The following DYNC2H1 variants were observed in gnomAD, a reference collection of about 807,000 sequenced individuals.
DYNC2H1 encodes the protein cytoplasmic dynein 2 heavy chain 1.
A neutral mutation model predicts 570.0 loss-of-function variants in DYNC2H1; 410 were observed. The observed-to-expected ratio is 0.72, with a 90% CI of 0.66 to 0.78. The LOEUF (loss-of-function observed/expected upper bound fraction) is 0.78. DYNC2H1 is among the 30% of genes least tolerant of loss of function. The probability of loss-of-function intolerance (pLI) is 0.00; values close to 1 mark genes in which losing one functional copy is unlikely to be tolerated. For missense variants in DYNC2H1, 4,865 were observed against 5,046.4 expected (o/e 0.96, Z 1.09); for synonymous variants, 1,688 against 1,677.6 (o/e 1.01, Z -0.15).
Position 103,236,280 on chromosome 11 carries a change from TC to T in DYNC2H1, c.9710-149del. On this transcript the variant is annotated intron_variant, in intron 62 of 88. Transcript: ENST00000375735. ...TTTTTGTTTTTGTTTTAGACTTTTT[TC>T]TCCGTGGGTTTGGGTGTTAAATGTG... 4 of 558,140 alleles carry T rather than the reference TC, an allele frequency of 7.2e-6. No homozygotes were observed. The South Asian group carries it at 9.4e-5, about 13-fold the overall frequency. 34.6% of individuals were successfully genotyped at this position (558,140 alleles called of 1,614,324 possible).
intron 17 of DYNC2H1, among the ~76,000 whole-genome samples, chr11:103,139,205 C>G (rs1245600106): frequency 1.3e-5 from 2 of 152,022 alleles, no homozygotes; most frequent in Non-Finnish European, 2.9e-5. Flanking sequence ...TTTTGTGTCT[C>G]TATTTCCTTC....
At chr11:103,464,677 T>C (rs1945135977) in intron 87 of DYNC2H1, among the ~76,000 whole-genome samples, 2 of 152,104 alleles carry the variant, frequency 1.3e-5, no homozygotes, top group African/African-American at 4.8e-5. Context: ...TTCAAATTGA[T>C]GAAGAAAAAT....
chr11:103,236,688 C>T lies in DYNC2H1; in HGVS notation c.9819+149C>T. Reference sequence around the variant, plus strand: ...TGCTAATGAAAACCCATCAATGATTCAGTTAGTGAGTGTAAGACTTTCTGT... The same window carrying T: ...TGCTAATGAAAACCCATCAATGATTTAGTTAGTGAGTGTAAGACTTTCTGT... On this transcript the variant is annotated intron_variant, in intron 63 of 88. Coordinates refer to ENST00000375735, the MANE Select transcript of DYNC2H1 (RefSeq NM_001377.3). The T allele has an allele frequency of 1.5e-5, 7 of 470,412 alleles. No individual in the cohort carries two copies. In the South Asian group the frequency reaches 2.1e-4, roughly 14 times the overall value. The allele number at this position is 470,412 out of a possible 1,614,324, so 29.1% of individuals were successfully genotyped here. A position where few individuals can be genotyped will look rare whatever the true frequency, so the allele number is the denominator to read the frequency against.
intron 70 of DYNC2H1, among the ~76,000 whole-genome samples, chr11:103,263,998 T>A (rs573560531): frequency 6.6e-6 from 1 of 151,386 alleles, no homozygotes; most frequent in African/African-American, 2.4e-5. Context: ...ATCAAATAGA[T>A]GCAATAAAAA....
chr11:103,331,296 T>G (rs2135461019), intron 82 of DYNC2H1, among the ~76,000 whole-genome samples: 1 of 152,328 alleles, frequency 6.6e-6, no homozygotes, highest in African/African-American at 2.4e-5. Context: ...CCTTACAGGC[T>G]TTTTCTCCAT....
intron 88 of DYNC2H1, among the ~76,000 whole-genome samples, chr11:103,474,882 TTTGCCTTTGAAAA>T (rs1463958402): frequency 6.6e-6 from 1 of 152,154 alleles, no homozygotes; most frequent in Non-Finnish European, 1.5e-5. Context: ...GAGTCACCAT[TTTGCCTTTGAAAA>T]TTGCATTGTC....
chr11:103,293,234 A>G (rs1274353222), intron 75 of DYNC2H1, among the ~76,000 whole-genome samples: 2 of 152,078 alleles, frequency 1.3e-5, no homozygotes, highest in African/African-American at 4.8e-5. Flanking sequence ...CACTCTGGAT[A>G]TGTCATCCCC....
At chr11:103,234,218 T>C (rs1864134499) in intron 61 of DYNC2H1, 58 bp downstream of exon 61, 15 of 1,497,316 alleles carry the variant, frequency 1.0e-5, no homozygotes, top group South Asian at 1.3e-5. Context: ...AAATCTATAA[T>C]GTAATGTATG....
At chr11:103,397,678 T>G (rs186888847) in intron 83 of DYNC2H1, among the ~76,000 whole-genome samples, 1 of 152,250 alleles carries the variant, frequency 6.6e-6, no homozygotes, top group East Asian at 1.9e-4. Context: ...GTTGATCACT[T>G]GAGTCCTGGA....
chr11:103,264,748 T>C lies in DYNC2H1; in HGVS notation c.10695+4771T>C, dbSNP rs920163253. On this transcript the variant is annotated intron_variant, in intron 70 of 88. Transcript: ENST00000375735. The surrounding 1 kb of genome is among the most constrained non-coding windows in gnomAD (Gnocchi z 4.8). ...CAGCCAATGTCATACCGAATGTGAATCAATATCAGTATCATACTGAATGGG... is the reference window on the plus strand; with the variant it reads ...CAGCCAATGTCATACCGAATGTGAACCAATATCAGTATCATACTGAATGGG... 1.3e-5 allele frequency among the ~76,000 whole-genome samples: 2 copies of C among 152,140 alleles called. No homozygotes were observed. The highest frequency in any genetic ancestry group is 4.8e-5 in the African/African-American group (2 of 41,424).
chr11:103,421,806 C>T (rs1253759308), intron 84 of DYNC2H1, among the ~76,000 whole-genome samples: 1 of 151,702 alleles, frequency 6.6e-6, no homozygotes, highest in Non-Finnish European at 1.5e-5. Context: ...AATTAGAGAA[C>T]CAAGAGCAAA....
In DYNC2H1 at chr11:103,328,950, G is replaced by T. The variant is rs368294744; in HGVS notation, c.12039+4960G>T. ...AGAGATAAATTTGATATGTTAGTTC[G>T]AATTGCCCATGCAATAATGTTTATT... is the stretch of plus-strand genomic sequence containing the variant. On this transcript the variant is annotated intron_variant, in intron 82 of 88. Coordinates refer to ENST00000375735, the MANE Select transcript of DYNC2H1 (RefSeq NM_001377.3). Among the ~76,000 whole-genome samples, 3 of 152,102 alleles carry T rather than the reference G, an allele frequency of 2.0e-5. No individual in the cohort carries two copies. The East Asian group carries it at 5.8e-4, about 29-fold the overall frequency.
In DYNC2H1 at chr11:103,244,015, A is replaced by T. The variant is rs1864517897; in HGVS notation, c.9918+224A>T. 6.6e-6 allele frequency among the ~76,000 whole-genome samples: 1 copy of T among 152,110 alleles called. No homozygotes were observed. The highest frequency in any genetic ancestry group is 2.4e-5 in the African/African-American group (1 of 41,446). ...TCTAAGCCCTGGGAATTTAATAGTG[A>T]GTTCCTTCCCTTATAAAGATGACAG... On this transcript the variant is annotated intron_variant, in intron 64 of 88. Transcript: ENST00000375735. The surrounding 1 kb of genome is among the most constrained non-coding windows in gnomAD (Gnocchi z 4.3).
intron 18 of DYNC2H1, 114 bp from the exon 19 acceptor site, chr11:103,147,658 A>G: frequency 1.5e-6 from 1 of 646,202 alleles, no homozygotes. Flanking sequence ...TCACCATATT[A>G]CTGCTGACAT....
In DYNC2H1 at chr11:103,152,117, T is replaced by TTC; in HGVS notation, c.2947-18_2947-17insCT. ...AAATAGGTTGTTATTCAATTTGTTT[T>TTC]TTTTTTTTTAACCTTTAGATTTTGC... On this transcript the variant is annotated intron_variant, in intron 20 of 88. Transcript: ENST00000375735. The TTC allele has an allele frequency of 1.3e-6, 2 of 1,572,046 alleles. No individual in the cohort carries two copies. The highest frequency in any genetic ancestry group is 1.7e-6 in the Non-Finnish European group (2 of 1,160,186).
intron 38 of DYNC2H1, among the ~76,000 whole-genome samples, chr11:103,178,524 C>T (rs1399957445): frequency 6.6e-6 from 1 of 151,956 alleles, no homozygotes; most frequent in Non-Finnish European, 1.5e-5. Flanking sequence ...CAGTATTAAC[C>T]ACTCCCATTT....
chr11:103,307,910 C>A, intron 78 of DYNC2H1, 79 bp downstream of exon 78: 1 of 706,254 alleles, frequency 1.4e-6, no homozygotes, highest in Non-Finnish European at 2.3e-6. Flanking sequence ...TTGTAAACAA[C>A]TATTATACAG....
rs578105376 is a variant in DYNC2H1, at chr11:103,201,492, A to AAACAAC, written c.8197+1354_8197+1359dup. Among the ~76,000 whole-genome samples, 116 of 152,098 alleles carry AAACAAC rather than the reference A, an allele frequency of 7.6e-4. No homozygotes were observed. The highest frequency in any genetic ancestry group is 9.7e-4 in the Non-Finnish European group (66 of 68,010). ...ACGTTAGAATCACTAGGATAATTAA[A>AAACAAC]AACAACAACAACAACAACAACTAAA... On this transcript the variant is annotated intron_variant, in intron 50 of 88. Coordinates refer to ENST00000375735, the MANE Select transcript of DYNC2H1 (RefSeq NM_001377.3). This position sits in a 1 kb window ranked among gnomAD's most constrained non-coding sequence, Gnocchi z 4.8.
At chr11:103,391,004 T>A (rs1364427191) in intron 83 of DYNC2H1, among the ~76,000 whole-genome samples, 1 of 152,142 alleles carries the variant, frequency 6.6e-6, no homozygotes, top group African/African-American at 2.4e-5. Flanking sequence ...GGAGTATCTT[T>A]GTGGCATTCT....
Sources: allele counts gnomAD v4.1 joint callset (sites outside exome capture counted in the v4.1 genomes callset), GRCh38; gene constraint gnomAD v4.1.1; non-coding constraint Gnocchi (gnomAD v3.1); transcripts MANE v1.5; gene names NCBI Gene and HGNC (gene_info 2026-07-23, HGNC 2026-07-21).